The following RELN variants were observed in gnomAD, a reference collection of about 807,000 sequenced individuals.
RELN encodes reelin.
Under a neutral mutation model 427.6 loss-of-function variants are expected in RELN, and 108 were observed. The ratio of observed to expected loss-of-function variants is 0.25; its 90% CI spans 0.22 to 0.30. RELN has a LOEUF of 0.30. Ranked by LOEUF, RELN falls within the 10% of genes least tolerant of loss-of-function variation. RELN has a pLI of 1.00. For synonymous variants in RELN, 1,524 were observed against 1,513.4 expected (o/e 1.01, Z -0.16); for missense variants, 3,715 against 4,302.8 (o/e 0.86, Z 3.82).
chr7:103,677,401 AAAGTATAATAATAAT>A (rs1172699244), intron 11 of RELN, among the ~76,000 whole-genome samples: 7 of 129,254 alleles, frequency 5.4e-5, no homozygotes, highest in Non-Finnish European at 9.5e-5. Flanking sequence ...CCCAGAACTT[AAAGTATAATAATAAT>A]AATAATAATA....
chr7:103,509,505 A>C (rs942669701), intron 51 of RELN, among the ~76,000 whole-genome samples: 7 of 152,234 alleles, frequency 4.6e-5, no homozygotes, highest in African/African-American at 1.4e-4. Flanking sequence ...AAATTAACTC[A>C]AGATGGATTA....
chr7:103,650,690 A>G (rs943340918), intron 15 of RELN, among the ~76,000 whole-genome samples: 1 of 152,098 alleles, frequency 6.6e-6, no homozygotes, highest in Non-Finnish European at 1.5e-5. Context: ...CAGTGGCACA[A>G]TCATAGCTCA....
intron 2 of RELN, among the ~76,000 whole-genome samples, chr7:103,853,900 C>T (rs1424450102): frequency 6.6e-6 from 1 of 152,000 alleles, no homozygotes; most frequent in Non-Finnish European, 1.5e-5. Flanking sequence ...AATAAGTGTC[C>T]TGTAGCACAG....
intron 20 of RELN, among the ~76,000 whole-genome samples, chr7:103,614,624 G>T (rs1457720493): frequency 1.3e-5 from 2 of 151,634 alleles, no homozygotes; most frequent in Non-Finnish European, 2.9e-5. Flanking sequence ...CCTTGTTAAG[G>T]TGCTCACAAG....
chr7:103,596,878 C>G (rs1429659465), intron 24 of RELN, among the ~76,000 whole-genome samples: 1 of 152,152 alleles, frequency 6.6e-6, no homozygotes, highest in Non-Finnish European at 1.5e-5. Context: ...ATTACTGATT[C>G]CCAGGCTGGG....
intron 37 of RELN, 37 bp from the exon 38 acceptor site, chr7:103,557,196 G>T: frequency 6.6e-7 from 1 of 1,514,294 alleles, no homozygotes; most frequent in South Asian, 1.1e-5. Context: ...AACATACTGT[G>T]ATAAAAATGG....
At chr7:103,831,203 T>G (rs956326542) in intron 3 of RELN, among the ~76,000 whole-genome samples, 1 of 152,104 alleles carries the variant, frequency 6.6e-6, no homozygotes, top group Non-Finnish European at 1.5e-5. Context: ...GCAACTTTTG[T>G]TTTAAATTAA....
At position 103,861,581 on chromosome 7, in the gene RELN, AC is replaced by A. The variant is rs759332812; in HGVS notation, c.338-27910del. On this transcript the variant is annotated intron_variant, in intron 2 of 64. Coordinates refer to ENST00000428762, the MANE Select transcript of RELN (RefSeq NM_005045.4). ...AAACTCCTGCTCACCAAAAGGAAAA[AC>A]CTGTTTACATTCCAAAGCAAAAAGA... Among the ~76,000 whole-genome samples the A allele has an allele frequency of 2.6e-5, 4 of 152,246 alleles. No individual in the cohort carries two copies. The East Asian group carries it at 5.8e-4, about 22-fold the overall frequency.
intron 28 of RELN, among the ~76,000 whole-genome samples, chr7:103,587,710 T>C (rs942822872): frequency 2.0e-5 from 3 of 152,028 alleles, no homozygotes; most frequent in African/African-American, 4.8e-5. Context: ...AATTAAAAGG[T>C]GGGCAAAGGC....
chr7:103,694,174 C>A (rs1477967877), intron 10 of RELN, among the ~76,000 whole-genome samples: 1 of 152,048 alleles, frequency 6.6e-6, no homozygotes, highest in Admixed American at 6.6e-5. Context: ...TAACCTACAG[C>A]CAGAGAGTGA....
At chr7:103,651,176 T>C (rs1832906473) in intron 15 of RELN, among the ~76,000 whole-genome samples, 3 of 152,138 alleles carry the variant, frequency 2.0e-5, no homozygotes, top group African/African-American at 7.2e-5. Flanking sequence ...TCATAATGCT[T>C]ATTCTGTAAT....
chr7:103,532,298 G>A (rs745942745), intron 46 of RELN, among the ~76,000 whole-genome samples: 1 of 152,110 alleles, frequency 6.6e-6, no homozygotes, highest in Non-Finnish European at 1.5e-5. Context: ...GTTGGAAAGT[G>A]GGGAGTGGGA....
At chr7:103,673,285 T>C (rs2115637763) in intron 11 of RELN, among the ~76,000 whole-genome samples, 1 of 152,262 alleles carries the variant, frequency 6.6e-6, no homozygotes, top group African/African-American at 2.4e-5. Flanking sequence ...CTGGCTTATC[T>C]ATTTTTTAAC....
At chr7:103,962,720 C>T (rs1796583987) in intron 1 of RELN, among the ~76,000 whole-genome samples, 1 of 151,722 alleles carries the variant, frequency 6.6e-6, no homozygotes, top group African/African-American at 2.4e-5. Context: ...AGGAGTCTGC[C>T]ATTACCAAAA....
chr7:103,571,583 C>A (rs1000962213), intron 31 of RELN, among the ~76,000 whole-genome samples: 1 of 152,128 alleles, frequency 6.6e-6, no homozygotes, highest in African/African-American at 2.4e-5. Flanking sequence ...CTTGACCTTT[C>A]GGTGCCTCAG....
intron 8 of RELN, among the ~76,000 whole-genome samples, chr7:103,709,360 A>G (rs1213301439): frequency 1.3e-5 from 2 of 152,210 alleles, no homozygotes; most frequent in Non-Finnish European, 2.9e-5. Context: ...AAAATAAGCT[A>G]CAAGTATAAA....
rs764765077 is a variant in RELN at position 103,490,706 on chromosome 7, T to G, written c.9567A>C (p.Lys3189Asn). 59 of 1,614,096 alleles carry G rather than the reference T, an allele frequency of 3.7e-5. No individual in the cohort carries two copies. The highest frequency in any genetic ancestry group is 4.7e-5 in the Non-Finnish European group (56 of 1,180,054). ...GGTCAGGCAGCTGGATGGTGATTCT[T>G]TTCCAGCTTGAGCTGTTGACAGAGT... ...IYNSVNSSSW[K>N]RITIQLPDHV... Residue 3189 changes from lysine to asparagine, a missense_variant, in exon 59 of 65, where the codon AAA becomes AAC. By Grantham distance (94) the Lys-to-Asn change is moderately conservative (BLOSUM62 0). Around this residue, in one of 4 missense-constraint regions of RELN, gnomAD observed 1,310 missense variants for 1,643.0 expected, o/e 0.80. Transcript: ENST00000428762.
rs779255424 is a variant in RELN, at chr7:103,489,943, C to A, written c.9606-44G>T. The A allele has an allele frequency of 3.1e-6, 5 of 1,611,124 alleles. No homozygotes were observed. The East Asian group carries it at 1.1e-4, about 36-fold the overall frequency. ...GCAGAAGGGATTCAGTAGGTTGTTA[C>A]TTCCATGGCTGCATCCTGCCTCCAG... On this transcript the variant is annotated intron_variant, in intron 59 of 64. Coordinates refer to ENST00000428762, the MANE Select transcript of RELN (RefSeq NM_005045.4).
chr7:103,903,312 A>G (rs543720624), intron 2 of RELN, among the ~76,000 whole-genome samples: 8 of 151,710 alleles, frequency 5.3e-5, no homozygotes, highest in African/African-American at 1.7e-4. Flanking sequence ...TAAGAAAGAG[A>G]GAGAAAAGTA....
Sources: allele counts gnomAD v4.1 joint callset (sites outside exome capture counted in the v4.1 genomes callset), GRCh38; gene constraint gnomAD v4.1.1; regional missense constraint gnomAD v4.1.1; transcripts MANE v1.5; gene names NCBI Gene and HGNC (gene_info 2026-07-23, HGNC 2026-07-21).